ARL10: variants seen among roughly 807,000 people sequenced by gnomAD.
ARL10 encodes the protein ARF like GTPase 10, also known as ADP-ribosylation factor-like protein 10.
Under a neutral mutation model 26.1 loss-of-function variants are expected in ARL10, and 23 were observed. That is an observed-to-expected ratio of 0.88 (90% confidence interval 0.63 to 1.25). ARL10 has a LOEUF of 1.25. Among genes scored for constraint, ARL10 ranks in the 50% most tolerant of loss-of-function variants. The pLI is 0.00. For synonymous variants in ARL10, 138 were observed against 149.1 expected, an observed-to-expected ratio of 0.93 and a Z score of 0.54; for missense variants, 300 against 323.6, an observed-to-expected ratio of 0.93 and a Z score of 0.56.
At chr5:176,389,411 A>G (rs2113608581), downstream of ARL10, 1 of 1,614,086 alleles carries the variant, frequency 6.2e-7, no homozygotes, top group East Asian at 2.2e-5. Context: ...TCAGCTCATG[A>G]TGCGCACCCG....
At position 176,393,658 on chromosome 5, in the gene ARL10, TG is replaced by T. The variant is rs778466246; in HGVS notation, c.134-8079del. Reference sequence around the variant, plus strand: ...CCACTGTCTCTGAGGAGCCACAGCCTGGGGCATGAATGCTCCACTGGAGTCT... The same window carrying T: ...CCACTGTCTCTGAGGAGCCACAGCCTGGGCATGAATGCTCCACTGGAGTCT... On this transcript the variant is annotated intron_variant, in intron 1 of 1. Transcript: ENST00000514533. This position sits in a 1 kb window ranked among gnomAD's most constrained non-coding sequence, Gnocchi z 4.4. Among the ~76,000 whole-genome samples the T allele has an allele frequency of 1.7e-4, 26 of 152,206 alleles. No homozygotes were observed. Among genetic ancestry groups the T allele is most frequent in the Non-Finnish European group, 3.1e-4 (21 of 68,038 alleles).
chr5:176,404,771 G>A (rs1016024037), downstream of ARL10, among the ~76,000 whole-genome samples: 3 of 152,170 alleles, frequency 2.0e-5, no homozygotes, highest in Admixed American at 1.3e-4. Flanking sequence ...CAGGTCCCGG[G>A]CTCCGGTGAA....
At chr5:176,404,699 G>A (rs1240655807), downstream of ARL10, among the ~76,000 whole-genome samples, 2 of 152,224 alleles carry the variant, frequency 1.3e-5, no homozygotes, top group Non-Finnish European at 2.9e-5. Flanking sequence ...ATGCACTCTA[G>A]TGGGGGCTAT....
At chr5:176,394,537 G>T (rs1281759234) in intron 1 of ARL10, among the ~76,000 whole-genome samples, 2 of 151,814 alleles carry the variant, frequency 1.3e-5, no homozygotes, top group African/African-American at 2.4e-5. Flanking sequence ...GCTGGGTGTG[G>T]CCAGGCGCGG....
At chr5:176,388,385 A>G in exon 2 of ARL10, 1 of 1,612,998 alleles carries the variant, frequency 6.2e-7, no homozygotes, top group Non-Finnish European at 8.5e-7. Context: ...CATCTCGCGG[A>G]CCGTCCCGGC....
rs991280733 is a variant in ARL10, at chr5:176,378,546, A to G, written c.*6651A>G. 1.3e-5 allele frequency: 2 copies of G among 152,234 alleles called. No homozygotes were observed. The highest frequency in any genetic ancestry group is 2.1e-4 in the South Asian group (1 of 4,834). The allele number at this position is 152,234 out of a possible 1,614,324, so 9.4% of individuals were successfully genotyped here. The stretch of plus-strand genomic sequence containing the variant: ...AATTGTGGACTGCAAAGGCATGTAT[A>G]TATACATAGCATGTCTGCTATGTAT... On this transcript the variant is annotated 3_prime_UTR_variant, in exon 4 of 4. Coordinates refer to ENST00000310389, the MANE Select transcript of ARL10 (RefSeq NM_173664.6).
the ARL10 span, among the ~76,000 whole-genome samples, chr5:176,411,964 C>T: frequency 1.3e-5 from 2 of 152,022 alleles, no homozygotes; most frequent in African/African-American, 4.8e-5. Flanking sequence ...ATCACGAAGT[C>T]AGGAGATCGA....
rs528990535 is a variant in ARL10, at chr5:176,372,734, G to A, written c.*839G>A. ...TGTTTACAGAAGTCAGGGGAAGGAAGGAGCCTGTGTCCCTGGGACGACAGT... is the reference window on the plus strand; with the variant it reads ...TGTTTACAGAAGTCAGGGGAAGGAAAGAGCCTGTGTCCCTGGGACGACAGT... On this transcript the variant is annotated 3_prime_UTR_variant, in exon 4 of 4. Coordinates refer to ENST00000310389, the MANE Select transcript of ARL10 (RefSeq NM_173664.6). The A allele has an allele frequency of 5.3e-4, 209 of 396,446 alleles. 2 individuals are homozygous for A. In the East Asian group the frequency reaches 7.3e-3, roughly 14 times the overall value. 24.6% of individuals were successfully genotyped at this position (396,446 alleles called of 1,614,324 possible).
chr5:176,370,618 C>T (rs1009222287), intron 3 of ARL10, among the ~76,000 whole-genome samples: 2 of 152,150 alleles, frequency 1.3e-5, no homozygotes, highest in Admixed American at 6.5e-5. Flanking sequence ...ATTAATAGTG[C>T]CCGCTCTGAG....
chr5:176,405,917 A>G (rs2113663856), downstream of ARL10: 1 of 152,218 alleles, frequency 6.6e-6, no homozygotes, highest in Admixed American at 6.6e-5. Flanking sequence ...GCGTGTGCGT[A>G]TGAGGGACAG....
exon 2 of ARL10, chr5:176,401,797 C>A (rs1251260002): frequency 4.4e-6 from 2 of 455,874 alleles, no homozygotes; most frequent in Non-Finnish European, 8.8e-6. Context: ...GAGGCCCCAG[C>A]CTCCTGTTCG....
downstream of ARL10, chr5:176,389,833 C>T (rs1351251147): frequency 4.9e-6 from 1 of 204,698 alleles, no homozygotes; most frequent in Non-Finnish European, 1.0e-5. Flanking sequence ...GCTTAGAAAT[C>T]GTGTAGTCTA....
chr5:176,411,740 C>G, the ARL10 span, among the ~76,000 whole-genome samples: 5 of 152,160 alleles, frequency 3.3e-5, no homozygotes, highest in Admixed American at 2.0e-4. Flanking sequence ...AACCCTGGAA[C>G]ATGAGGATCT....
At chr5:176,389,309 A>C, downstream of ARL10, 1 of 1,602,132 alleles carries the variant, frequency 6.2e-7, no homozygotes, top group Non-Finnish European at 8.5e-7. Context: ...GCTGTTTCCC[A>C]GTTGCTTTGT....
At chr5:176,384,168 C>G, downstream of ARL10, 1 of 1,614,024 alleles carries the variant, frequency 6.2e-7, no homozygotes, top group Non-Finnish European at 8.5e-7. Context: ...TGCCTTACAC[C>G]CTGGCTCCAG....
At chr5:176,404,906 T>C (rs1255544311), downstream of ARL10, among the ~76,000 whole-genome samples, 3 of 152,184 alleles carry the variant, frequency 2.0e-5, no homozygotes, top group Non-Finnish European at 2.9e-5. Flanking sequence ...ACAGTTGCAT[T>C]CCCTAACTTT....
chr5:176,410,285 C>A, the ARL10 span: 1 of 1,613,964 alleles, frequency 6.2e-7, no homozygotes, highest in Non-Finnish European at 8.5e-7. Context: ...GACTGTGGTC[C>A]CCATGTCCTC....
Position 176,368,886 on chromosome 5 carries a change from G to A in ARL10, c.465G>A (p.Ser155=), listed in dbSNP as rs773278617. The A allele has an allele frequency of 5.0e-6, 8 of 1,614,060 alleles. No individual in the cohort carries two copies. In the African/African-American group the frequency reaches 5.3e-5, roughly 11 times the overall value. The change falls in exon 3 of 4, where the codon TCG becomes TCA. Residue 155 remains serine, a synonymous_variant. Coordinates refer to ENST00000310389, the MANE Select transcript of ARL10 (RefSeq NM_173664.6). This position sits in a 1 kb window ranked among gnomAD's most constrained non-coding sequence, Gnocchi z 4.1. The part of the protein sequence containing the change: ...EVDVLVFVVD[S]ADRLRLPWAR... Reference sequence around the variant, plus strand: ...ATGTGCTGGTGTTTGTGGTGGACTCGGCTGACCGACTGCGGCTGCCCTGGG... The same window carrying A: ...ATGTGCTGGTGTTTGTGGTGGACTCAGCTGACCGACTGCGGCTGCCCTGGG...
chr5:176,365,493 AGCGGGGCCATCTTCGGCGGGCGAGTGG>A lies in ARL10; in HGVS notation c.-68_-42del. The stretch of plus-strand genomic sequence containing the variant: ...GGGTGGGCGCGGCCGCAGCAGTCGC[AGCGGGGCCATCTTCGGCGGGCGAGTGG>A]GCTCGGCCTGTGCAACCCGCACCTG... On this transcript the variant is annotated 5_prime_UTR_variant, in exon 1 of 4. Transcript: ENST00000310389. 3 of 1,136,328 alleles carry A rather than the reference AGCGGGGCCATCTTCGGCGGGCGAGTGG, an allele frequency of 2.6e-6. No homozygotes were observed. Among genetic ancestry groups the A allele is most frequent in the South Asian group, 4.5e-5 (1 of 22,132 alleles). The allele number at this position is 1,136,328 out of a possible 1,614,324, so 70.4% of individuals were successfully genotyped here.
Sources: allele counts gnomAD v4.1 joint callset (sites outside exome capture counted in the v4.1 genomes callset), GRCh38; gene constraint gnomAD v4.1.1; non-coding constraint Gnocchi (gnomAD v3.1); transcripts MANE v1.5; gene names NCBI Gene and HGNC (gene_info 2026-07-23, HGNC 2026-07-21).